The following ANKRD6 variants were observed in gnomAD, a reference collection of about 807,000 sequenced individuals.
ANKRD6 encodes the protein ankyrin repeat domain 6.
In ANKRD6, 56 loss-of-function variants were observed where a neutral mutation model predicts 82.3. That is an observed-to-expected ratio of 0.68 (90% CI 0.55 to 0.85). ANKRD6 has a LOEUF of 0.85. ANKRD6 is among the 40% of genes least tolerant of loss of function. The pLI is 0.00. For synonymous variants in ANKRD6, 347 were observed against 352.1 expected (o/e 0.99, Z 0.16); for missense variants, 852 against 907.6 (o/e 0.94, Z 0.79).
At chr6:89,597,586 T>C (rs1038997313) in intron 3 of ANKRD6, among the ~76,000 whole-genome samples, 1 of 152,226 alleles carries the variant, frequency 6.6e-6, no homozygotes, top group South Asian at 2.1e-4. Context: ...CTAGAACTGC[T>C]GCTGTTTATA....
At chr6:89,598,404 C>T in intron 3 of ANKRD6, 1 of 985,266 alleles carries the variant, frequency 1.0e-6, no homozygotes, top group Non-Finnish European at 1.2e-6. Context: ...TTAGGAAGGA[C>T]CCTAGAAGAT....
intron 1 of ANKRD6, among the ~76,000 whole-genome samples, chr6:89,441,147 C>T (rs1414974186): frequency 6.6e-6 from 1 of 152,184 alleles, no homozygotes; most frequent in East Asian, 1.9e-4. Context: ...AACAAGTTAC[C>T]GAATGTATCT....
At chr6:89,466,765 C>T (rs897741263) in intron 1 of ANKRD6, among the ~76,000 whole-genome samples, 7 of 151,950 alleles carry the variant, frequency 4.6e-5, no homozygotes, top group Non-Finnish European at 1.0e-4. Flanking sequence ...AGAGTGCTGT[C>T]GTGTGATCAT....
At chr6:89,517,053 A>G (rs1198091760) in intron 1 of ANKRD6, among the ~76,000 whole-genome samples, 3 of 152,116 alleles carry the variant, frequency 2.0e-5, no homozygotes, top group African/African-American at 4.8e-5. Flanking sequence ...GATTTTTAGT[A>G]TAGATGGGGT....
At chr6:89,521,317 G>C (rs184552449) in intron 1 of ANKRD6, among the ~76,000 whole-genome samples, 6 of 152,120 alleles carry the variant, frequency 3.9e-5, no homozygotes, top group Non-Finnish European at 5.9e-5. Flanking sequence ...GTCAGGGAAG[G>C]CCTCTCTGGG....
At chr6:89,630,330 C>G (rs1807097633) in intron 15 of ANKRD6, 103 bp from the exon 16 acceptor site, 1 of 1,354,990 alleles carries the variant, frequency 7.4e-7, no homozygotes. Flanking sequence ...ATGGAGAAGG[C>G]TGGTGATATA....
At chr6:89,552,084 T>TAATC (rs1785933396) in intron 1 of ANKRD6, among the ~76,000 whole-genome samples, 1 of 152,236 alleles carries the variant, frequency 6.6e-6, no homozygotes, top group African/African-American at 2.4e-5. Context: ...TGCTCATGGC[T>TAATC]AATCTGTGGC....
chr6:89,591,783 G>T (rs1381041357), intron 2 of ANKRD6, among the ~76,000 whole-genome samples: 2 of 152,200 alleles, frequency 1.3e-5, no homozygotes, highest in Non-Finnish European at 2.9e-5. Flanking sequence ...GCCCCAGGAC[G>T]GAGGAGACAG....
At chr6:89,523,358 A>G (rs1481491390) in intron 1 of ANKRD6, among the ~76,000 whole-genome samples, 4 of 152,220 alleles carry the variant, frequency 2.6e-5, no homozygotes. Context: ...ACTGTCATGC[A>G]AAAGAACTAA....
At chr6:89,507,000 A>G (rs1779956210) in intron 1 of ANKRD6, among the ~76,000 whole-genome samples, 1 of 152,238 alleles carries the variant, frequency 6.6e-6, no homozygotes, top group South Asian at 2.1e-4. Flanking sequence ...ATAAGACTCT[A>G]TGCTAAACAC....
At chr6:89,582,079 G>A (rs1484152593) in intron 2 of ANKRD6, among the ~76,000 whole-genome samples, 1 of 152,144 alleles carries the variant, frequency 6.6e-6, no homozygotes, top group Non-Finnish European at 1.5e-5. Flanking sequence ...ATTAACATAT[G>A]GTGCTAATTC....
intron 1 of ANKRD6, among the ~76,000 whole-genome samples, chr6:89,531,674 T>C (rs569743365): frequency 1.3e-5 from 2 of 152,264 alleles, no homozygotes; most frequent in Non-Finnish European, 2.9e-5. Context: ...ACTATTGCCC[T>C]GTATCCCTTC....
intron 1 of ANKRD6, among the ~76,000 whole-genome samples, chr6:89,465,178 G>A (rs1774691848): frequency 1.3e-5 from 2 of 150,124 alleles, no homozygotes; most frequent in Admixed American, 6.7e-5. Context: ...GGAGTGCAGT[G>A]GAGCAATCTC....
At chr6:89,560,715 C>T (rs529388697) in intron 1 of ANKRD6, among the ~76,000 whole-genome samples, 5 of 152,062 alleles carry the variant, frequency 3.3e-5, no homozygotes, top group East Asian at 1.9e-4. Flanking sequence ...CCCAGCTACT[C>T]GGGAAGCTGA....
chr6:89,574,553 G>A (rs753196826), intron 2 of ANKRD6, among the ~76,000 whole-genome samples: 1 of 152,200 alleles, frequency 6.6e-6, no homozygotes, highest in South Asian at 2.1e-4. Context: ...CATCCCATCT[G>A]TGCCGAATGA....
chr6:89,518,449 T>A (rs1781494969), intron 1 of ANKRD6, among the ~76,000 whole-genome samples: 1 of 150,878 alleles, frequency 6.6e-6, no homozygotes, highest in Non-Finnish European at 1.5e-5. Flanking sequence ...AGGTAAGTGA[T>A]CTGAATGAAA....
intron 2 of ANKRD6, among the ~76,000 whole-genome samples, chr6:89,578,281 G>C (rs975963050): frequency 1.8e-4 from 21 of 117,988 alleles, no homozygotes; most frequent in South Asian, 3.0e-4. Context: ...TCCCCCTCCC[G>C]CCTCCTTTTT....
At chr6:89,457,829 T>A (rs1773670469) in intron 1 of ANKRD6, among the ~76,000 whole-genome samples, 1 of 152,218 alleles carries the variant, frequency 6.6e-6, no homozygotes, top group African/African-American at 2.4e-5. Flanking sequence ...AATTTCTCAT[T>A]GTTATAGACT....
chr6:89,525,293 C>A (rs1409282318), intron 1 of ANKRD6, among the ~76,000 whole-genome samples: 36 of 130,112 alleles, frequency 2.8e-4, no homozygotes, highest in East Asian at 4.5e-4. Flanking sequence ...GATCCTATCT[C>A]AAAAAAAAAA....
Sources: gnomAD v4.1 joint callset for allele counts (sites outside exome capture counted in the v4.1 genomes callset) on GRCh38, gnomAD v4.1.1 for gene constraint, MANE v1.5 for transcripts, NCBI Gene and HGNC (gene_info 2026-07-23, HGNC 2026-07-21) for gene names.